MRPS11: variants seen among roughly 807,000 people sequenced by gnomAD.
MRPS11 encodes the protein mitochondrial ribosomal protein S11.
A neutral mutation model predicts 24.3 loss-of-function variants in MRPS11; 27 were observed. The ratio of observed to expected loss-of-function variants is 1.11; its 90% confidence interval spans 0.82 to 1.53. The LOEUF is 1.53. MRPS11 is among the 40% of genes most tolerant of loss of function. The probability of loss-of-function intolerance (pLI) is 0.00; values close to 1 mark genes in which losing one functional copy is unlikely to be tolerated. For missense variants in MRPS11, 277 were observed against 256.5 expected (o/e 1.08, Z -0.55); for synonymous variants, 104 against 98.7 (o/e 1.05, Z -0.32).
chr15:88,478,355 G>A lies in MRPS11; in HGVS notation c.*376G>A. ...AAATGAGGTGAGGCCTCAGATGAAA[G>A]TAAAATATAAATGTGAGTTGCTATT... On this transcript the variant is annotated 3_prime_UTR_variant, in exon 6 of 6. Coordinates refer to ENST00000325844, the MANE Select transcript of MRPS11 (RefSeq NM_022839.5). This position sits in a 1 kb window ranked among gnomAD's most constrained non-coding sequence, Gnocchi z 4.7. The A allele has an allele frequency of 4.9e-6, 1 of 203,978 alleles. No individual in the cohort carries two copies. The highest frequency in any genetic ancestry group is 2.3e-5 in the African/African-American group (1 of 43,254). 12.6% of individuals were successfully genotyped at this position (203,978 alleles called of 1,614,324 possible).
chr15:88,467,792 G>T lies in MRPS11; in HGVS notation c.65+10G>T. 1 of 1,613,970 alleles carries T rather than the reference G, an allele frequency of 6.2e-7. No individual in the cohort carries two copies. The highest frequency in any genetic ancestry group is 8.5e-7 in the Non-Finnish European group (1 of 1,180,006). ...GGCCCCAGACAGCCGGGTAACAAATGACTGCCCCCTCGAGCCCACCGCCAC... is the reference window on the plus strand; with the variant it reads ...GGCCCCAGACAGCCGGGTAACAAATTACTGCCCCCTCGAGCCCACCGCCAC... On this transcript the variant is annotated intron_variant, in intron 1 of 5. Transcript: ENST00000325844.
intron 3 of MRPS11, 55 bp downstream of exon 3, chr15:88,472,780 C>A: frequency 1.4e-6 from 2 of 1,421,538 alleles, no homozygotes; most frequent in South Asian, 2.4e-5. Flanking sequence ...TTCCACTTCA[C>A]AGGGAAAGTC....
intron 3 of MRPS11, 119 bp downstream of exon 3, chr15:88,472,844 A>G: frequency 1.4e-6 from 1 of 717,822 alleles, no homozygotes; most frequent in Middle Eastern, 3.3e-4. Context: ...GTGCTGCATG[A>G]TGGCGCTAAT....
intron 2 of MRPS11, chr15:88,472,338 C>A: frequency 3.6e-6 from 1 of 277,564 alleles, no homozygotes; most frequent in East Asian, 8.2e-5. Context: ...AAATAATGAA[C>A]ACGGGTATAC....
intron 2 of MRPS11, among the ~76,000 whole-genome samples, chr15:88,470,269 C>T (rs1034912488): frequency 2.0e-5 from 3 of 152,030 alleles, no homozygotes; most frequent in Admixed American, 1.3e-4. Flanking sequence ...GAGCCAAGAT[C>T]GTGCCACTGC....
At chr15:88,474,349 C>T (rs976697181) in intron 3 of MRPS11, among the ~76,000 whole-genome samples, 6 of 152,128 alleles carry the variant, frequency 3.9e-5, no homozygotes, top group Admixed American at 1.3e-4. Context: ...CACCTGAGGT[C>T]GGGAGTTCAA....
Position 88,479,879 on chromosome 15 carries a change from A to T in MRPS11, c.*1900A>T, listed in dbSNP as rs2055897855. On this transcript the variant is annotated 3_prime_UTR_variant, in exon 6 of 6. Transcript: ENST00000325844. ...AGGCATGGGTAAGATTAAGGAAATAAAGAAGGTGGACTACAAAGCAGCTGC... is the reference window on the plus strand; with the variant it reads ...AGGCATGGGTAAGATTAAGGAAATATAGAAGGTGGACTACAAAGCAGCTGC... 6.6e-6 allele frequency: 1 copy of T among 152,276 alleles called. No individual in the cohort carries two copies. Among genetic ancestry groups the T allele is most frequent in the Non-Finnish European group, 1.5e-5 (1 of 68,082 alleles). 9.4% of individuals were successfully genotyped at this position (152,276 alleles called of 1,614,324 possible). A position where few individuals can be genotyped will look rare whatever the true frequency, so the allele number is the denominator to read the frequency against.
rs944557168 is a variant in MRPS11 at position 88,478,089 on chromosome 15, G to A, written c.*110G>A. On this transcript the variant is annotated 3_prime_UTR_variant, in exon 6 of 6. Transcript: ENST00000325844. The surrounding 1 kb of genome is among the most constrained non-coding windows in gnomAD (Gnocchi z 4.7). ...GAATATGCTTGTTGGAGATCCTTCA[G>A]GCAGTAAGGGAGAGTTTTGCCTCCT... is the stretch of plus-strand genomic sequence containing the variant. 1.0e-5 allele frequency: 9 copies of A among 864,472 alleles called. No individual in the cohort carries two copies. Among genetic ancestry groups the A allele is most frequent in the African/African-American group, 1.7e-5 (1 of 59,690 alleles). 53.6% of individuals were successfully genotyped at this position (864,472 alleles called of 1,614,324 possible). A position where few individuals can be genotyped will look rare whatever the true frequency, so the allele number is the denominator to read the frequency against.
In MRPS11 at chr15:88,479,850, G is replaced by A. The variant is rs1266758795; in HGVS notation, c.*1871G>A. 2 of 152,314 alleles carry A rather than the reference G, an allele frequency of 1.3e-5. 1 individual carries two copies. The highest frequency in any genetic ancestry group is 6.3e-3 in the Middle Eastern group (2 of 316). The allele number at this position is 152,314 out of a possible 1,614,324, so 9.4% of individuals were successfully genotyped here. On this transcript the variant is annotated 3_prime_UTR_variant, in exon 6 of 6. Transcript: ENST00000325844. ...GAGAAAAGCTCAATGAAAGCTCTTT[G>A]CAGAGGCATGGGTAAGATTAAGGAA...
intron 2 of MRPS11, among the ~76,000 whole-genome samples, chr15:88,470,428 A>G (rs1428016364): frequency 6.6e-6 from 1 of 152,250 alleles, no homozygotes; most frequent in Non-Finnish European, 1.5e-5. Flanking sequence ...TGACAAAATC[A>G]TTAATACCAT....
rs1215289747 is a variant in MRPS11, at chr15:88,479,652, G to C, written c.*1673G>C. ...GGAGGCTTCTTGGATCAAAGCCACT[G>C]TCGGAAGGAATTAGACTGTTTCACC... On this transcript the variant is annotated 3_prime_UTR_variant, in exon 6 of 6. Coordinates refer to ENST00000325844, the MANE Select transcript of MRPS11 (RefSeq NM_022839.5). 1 of 152,222 alleles carries C rather than the reference G, an allele frequency of 6.6e-6. No homozygotes were observed. The highest frequency in any genetic ancestry group is 6.5e-5 in the Admixed American group (1 of 15,280). 9.4% of individuals were successfully genotyped at this position (152,222 alleles called of 1,614,324 possible).
chr15:88,473,162 C>A (rs944443323), intron 3 of MRPS11, among the ~76,000 whole-genome samples: 1 of 152,104 alleles, frequency 6.6e-6, no homozygotes, highest in Non-Finnish European at 1.5e-5. Context: ...AGATATTGTC[C>A]CTTTAAAGTA....
At position 88,472,627 on chromosome 15, in the gene MRPS11, C is replaced by A. The variant is rs1337858563; in HGVS notation, c.183C>A (p.Ser61Arg). Reference sequence around the variant, plus strand: ...AATAAAATCTTTCTTCTAATTGCAGCATTTACCCTCCCATTCCAGGAGAGG... The same window carrying A: ...AATAAAATCTTTCTTCTAATTGCAGAATTTACCCTCCCATTCCAGGAGAGG... ...QNAAPSHTKF[S>R]IYPPIPGEES... The change falls in exon 3 of 6, where the codon AGC becomes AGA. Residue 61 changes from serine (S) to arginine (R), a missense_variant and splice_region_variant. Coordinates refer to ENST00000325844, the MANE Select transcript of MRPS11 (RefSeq NM_022839.5). The A allele has an allele frequency of 1.2e-6, 2 of 1,611,324 alleles. No homozygotes were observed. Among genetic ancestry groups the A allele is most frequent in the African/African-American group, 2.7e-5 (2 of 74,836 alleles).
At chr15:88,476,829 G>A (rs926214989) in intron 4 of MRPS11, 160 bp from the exon 5 acceptor site, 55 of 643,540 alleles carry the variant, frequency 8.5e-5, no homozygotes, top group African/African-American at 4.4e-4. Context: ...CTCTGCTGGC[G>A]CCTGTCCTCC....
At chr15:88,468,460 G>C (rs1406283955) in intron 2 of MRPS11, 1 of 1,016,520 alleles carries the variant, frequency 9.8e-7, no homozygotes, top group Non-Finnish European at 1.2e-6. Flanking sequence ...CTGGCATCTT[G>C]CTTCCCACCA....
chr15:88,471,620 T>C (rs1378717703), intron 2 of MRPS11, among the ~76,000 whole-genome samples: 1 of 152,242 alleles, frequency 6.6e-6, no homozygotes, highest in Non-Finnish European at 1.5e-5. Flanking sequence ...CCTATTTCCC[T>C]ATTGGTACCT....
chr15:88,468,603 C>T (rs2055607850), intron 2 of MRPS11: 1 of 727,934 alleles, frequency 1.4e-6, no homozygotes, highest in Admixed American at 6.2e-5. Flanking sequence ...GATCATTCCT[C>T]CCCACAAGTA....
intron 2 of MRPS11, chr15:88,468,252 C>G: frequency 7.3e-7 from 1 of 1,363,234 alleles, no homozygotes; most frequent in Non-Finnish European, 9.5e-7. Context: ...AGTGAACATT[C>G]GTTAAATCAA....
chr15:88,467,865 A>T (rs1243275782), intron 1 of MRPS11, 43 bp from the exon 2 acceptor site: 7 of 1,612,556 alleles, frequency 4.3e-6, no homozygotes, highest in Middle Eastern at 3.3e-4. Context: ...CCCGGGCCCC[A>T]GTGACCGTTA....
Sources: allele counts gnomAD v4.1 joint callset (sites outside exome capture counted in the v4.1 genomes callset), GRCh38; gene constraint gnomAD v4.1.1; non-coding constraint Gnocchi (gnomAD v3.1); transcripts MANE v1.5; gene names NCBI Gene and HGNC (gene_info 2026-07-23, HGNC 2026-07-21).